Variants in ACOT2 observed in about 807,000 individuals in gnomAD.
ACOT2 encodes acyl-CoA thioesterase 2.
In ACOT2, 15 loss-of-function variants were observed where a neutral mutation model predicts 20.1. The ratio of observed to expected loss-of-function variants is 0.75; its 90% CI spans 0.50 to 1.15. ACOT2 has a LOEUF of 1.15. ACOT2 is among the 50% of genes most tolerant of loss of function. The pLI, the probability that ACOT2 is intolerant of heterozygous loss-of-function variation, is 0.00. For synonymous variants in ACOT2, 252 were observed against 268.4 expected (o/e 0.94, Z 0.60); for missense variants, 479 against 615.3 (o/e 0.78, Z 2.34).
chr14:73,573,314 T>G (rs950944026), intron 1 of ACOT2, 74 bp from the exon 2 acceptor site: 1 of 1,600,320 alleles, frequency 6.2e-7, no homozygotes, highest in Non-Finnish European at 8.6e-7. Flanking sequence ...GTGTGGTAAG[T>G]ATATGTTTAA....
rs752651470 is a variant in ACOT2, at chr14:73,569,344, A to C, written c.104A>C (p.Gln35Pro). The change falls in exon 1 of 3, where the codon CAA becomes CCA. Residue 35 changes from glutamine to proline, a missense_variant. Gln to Pro is a moderately conservative substitution (Grantham distance 76). Coordinates refer to ENST00000238651, the MANE Select transcript of ACOT2 (RefSeq NM_006821.6). ...GTCCTTCGAGCGTCCCGGCTGTACC[A>C]ATGGAGCCTGAAGAGTTCGGCGCAG... ...PAVLRASRLY[Q>P]WSLKSSAQFL... 1 of 1,613,954 alleles carries C rather than the reference A, an allele frequency of 6.2e-7. No individual in the cohort carries two copies. Among genetic ancestry groups the C allele is most frequent in the South Asian group, 1.1e-5 (1 of 91,070 alleles).
upstream of ACOT2, among the ~76,000 whole-genome samples, chr14:73,568,325 T>C (rs75098542): frequency 0.012 from 1,777 of 150,858 alleles, 36 homozygotes; most frequent in African/African-American, 0.041. Flanking sequence ...GTACAAGGGC[T>C]TGGCAGGGGC....
intron 2 of ACOT2, chr14:73,574,261 GTA>G (rs140325510): frequency 1.7e-4 from 22 of 126,788 alleles, no homozygotes; most frequent in African/African-American, 4.7e-4. Context: ...TTAAATTCCA[GTA>G]TTTTTTTTTT....
At chr14:73,569,918 C>G in intron 1 of ACOT2, 35 bp downstream of exon 1, 1 of 1,582,754 alleles carries the variant, frequency 6.3e-7, no homozygotes, top group Non-Finnish European at 8.6e-7. Context: ...CGTGTTCGTT[C>G]GCCTTTCACT....
At position 73,569,347 on chromosome 14, in the gene ACOT2, G is replaced by A; in HGVS notation, c.107G>A (p.Trp36Ter). 2.5e-6 allele frequency: 4 copies of A among 1,613,996 alleles called. No individual in the cohort carries two copies. The highest frequency in any genetic ancestry group is 3.4e-6 in the Non-Finnish European group (4 of 1,179,816). The part of the protein sequence containing the change: ...AVLRASRLYQ[W>*]SLKSSAQFLG... Reference sequence around the variant, plus strand: ...CTTCGAGCGTCCCGGCTGTACCAATGGAGCCTGAAGAGTTCGGCGCAGTTC... The same window carrying A: ...CTTCGAGCGTCCCGGCTGTACCAATAGAGCCTGAAGAGTTCGGCGCAGTTC... The change falls in exon 1 of 3, where the codon TGG becomes TAG. Residue 36 changes from tryptophan (W) to a stop codon, truncating the protein, a stop_gained. Transcript: ENST00000238651. LOFTEE classifies it high-confidence loss of function.
intron 1 of ACOT2, among the ~76,000 whole-genome samples, chr14:73,572,705 G>A (rs1379496722): frequency 6.9e-6 from 1 of 144,922 alleles, no homozygotes; most frequent in Non-Finnish European, 1.5e-5. Context: ...TGGAGTAGTG[G>A]CACAATCTTG....
intron 2 of ACOT2, 132 bp from the exon 3 acceptor site, chr14:73,574,776 G>A: frequency 6.7e-7 from 1 of 1,490,788 alleles, no homozygotes; most frequent in Admixed American, 1.9e-5. Flanking sequence ...AATTCTCAAA[G>A]TTGCAAATCT....
At position 73,575,491 on chromosome 14, in the gene ACOT2, G is replaced by A; in HGVS notation, c.1430G>A (p.Gly477Glu). The change falls in exon 3 of 3, where the codon GGG becomes GAG. Residue 477 changes from glycine (G) to glutamate (E), a missense_variant. Gly to Glu is a moderately conservative substitution (Grantham distance 98, BLOSUM62 -2). Coordinates refer to ENST00000238651, the MANE Select transcript of ACOT2 (RefSeq NM_006821.6). ...FFHKHLGGHE[G>E]TIPSKV The stretch of plus-strand genomic sequence containing the variant: ...CACAAACACTTGGGTGGCCACGAGG[G>A]GACAATCCCATCAAAAGTGTAAATT... The A allele has an allele frequency of 2.0e-6, 3 of 1,507,666 alleles. No homozygotes were observed. Among genetic ancestry groups the A allele is most frequent in the Non-Finnish European group, 2.6e-6 (3 of 1,132,108 alleles). The allele number at this position is 1,507,666 out of a possible 1,614,324, so 93.4% of individuals were successfully genotyped here. A position where few individuals can be genotyped will look rare whatever the true frequency, so the allele number is the denominator to read the frequency against.
At chr14:73,572,962 A>T (rs1415704581) in intron 1 of ACOT2, among the ~76,000 whole-genome samples, 1 of 151,592 alleles carries the variant, frequency 6.6e-6, no homozygotes, top group East Asian at 1.9e-4. Context: ...ATTACTATTT[A>T]ATTTTGTGTG....
At position 73,569,357 on chromosome 14, in the gene ACOT2, G is replaced by A; in HGVS notation, c.117G>A (p.Lys39=). Residue 39 remains lysine (K), a synonymous_variant, in exon 1 of 3, where the codon AAG becomes AAA. Coordinates refer to ENST00000238651, the MANE Select transcript of ACOT2 (RefSeq NM_006821.6). ...CCCGGCTGTACCAATGGAGCCTGAA[G>A]AGTTCGGCGCAGTTCCTGGGGTCTC... is the stretch of plus-strand genomic sequence containing the variant. ...RASRLYQWSL[K]SSAQFLGSPQ... is the part of the protein sequence containing the mutation. The A allele has an allele frequency of 6.2e-7, 1 of 1,614,002 alleles. No individual in the cohort carries two copies. The highest frequency in any genetic ancestry group is 8.5e-7 in the Non-Finnish European group (1 of 1,179,814).
intron 1 of ACOT2, among the ~76,000 whole-genome samples, chr14:73,570,882 G>T (rs1343037135): frequency 6.8e-6 from 1 of 146,676 alleles, no homozygotes; most frequent in East Asian, 2.0e-4. Context: ...TCCAGCCTGG[G>T]GGACAAGAGT....
At chr14:73,574,261 G>GTTT (rs1487088040) in intron 2 of ACOT2, 1 of 126,694 alleles carries the variant, frequency 7.9e-6, no homozygotes, top group African/African-American at 3.2e-5. Flanking sequence ...TTAAATTCCA[G>GTTT]TATTTTTTTT....
At chr14:73,572,444 T>C (rs1007986244) in intron 1 of ACOT2, among the ~76,000 whole-genome samples, 1 of 151,824 alleles carries the variant, frequency 6.6e-6, no homozygotes, top group African/African-American at 2.4e-5. Flanking sequence ...TTAGATACAA[T>C]TCAAAAACTA....
intron 1 of ACOT2, 150 bp downstream of exon 1, chr14:73,570,033 A>C: frequency 7.7e-7 from 1 of 1,299,390 alleles, no homozygotes; most frequent in Non-Finnish European, 1.0e-6. Flanking sequence ...GTCTCCAGCT[A>C]TCTTCCCGCC....
Position 73,575,650 on chromosome 14 carries a change from C to G in ACOT2, c.*137C>G. On this transcript the variant is annotated 3_prime_UTR_variant, in exon 3 of 3. Transcript: ENST00000238651. The stretch of plus-strand genomic sequence containing the variant: ...CCCCTCATTATTAAAATGAATTTAC[C>G]AGTAAGAATGAGTTTTTAAGATTTT... 1 of 1,471,922 alleles carries G rather than the reference C, an allele frequency of 6.8e-7. No homozygotes were observed. The highest frequency in any genetic ancestry group is 9.1e-7 in the Non-Finnish European group (1 of 1,094,062). 91.2% of individuals were successfully genotyped at this position (1,471,922 alleles called of 1,614,324 possible).
intron 1 of ACOT2, chr14:73,571,129 G>A (rs980080791): frequency 6.6e-6 from 1 of 152,052 alleles, no homozygotes; most frequent in African/African-American, 2.4e-5. Flanking sequence ...GCCCCCTGCA[G>A]GGCCTGTTCG....
Position 73,569,384 on chromosome 14 carries a change from A to C in ACOT2, c.144A>C (p.Pro48=), listed in dbSNP as rs1226940889. ...GTTCGGCGCAGTTCCTGGGGTCTCC[A>C]CAGCTGAGGCAGGTTGGTCAGATCA... The part of the protein sequence containing the change: ...LKSSAQFLGS[P]QLRQVGQIIR... Residue 48 remains proline (P), a synonymous_variant, in exon 1 of 3, where the codon CCA becomes CCC. Coordinates refer to ENST00000238651, the MANE Select transcript of ACOT2 (RefSeq NM_006821.6). 1 of 1,613,934 alleles carries C rather than the reference A, an allele frequency of 6.2e-7. No homozygotes were observed. The highest frequency in any genetic ancestry group is 8.5e-7 in the Non-Finnish European group (1 of 1,179,788).
chr14:73,569,762 C>T lies in ACOT2; in HGVS notation c.522C>T (p.His174=), dbSNP rs924613602. 6.2e-7 allele frequency: 1 copy of T among 1,607,908 alleles called. No individual in the cohort carries two copies. The highest frequency in any genetic ancestry group is 8.5e-7 in the Non-Finnish European group (1 of 1,178,086). Residue 174 remains histidine, a synonymous_variant, in exon 1 of 3, where the codon CAC becomes CAT. Coordinates refer to ENST00000238651, the MANE Select transcript of ACOT2 (RefSeq NM_006821.6). ...LAVELEVLDG[H]DPDPGRLLCQ... is the part of the protein sequence containing the mutation. ...TGGAGCTGGAGGTGCTGGATGGCCACGACCCCGACCCCGGGCGGCTGCTGT... is the reference window on the plus strand; with the variant it reads ...TGGAGCTGGAGGTGCTGGATGGCCATGACCCCGACCCCGGGCGGCTGCTGT...
chr14:73,569,486 A>G lies in ACOT2; in HGVS notation c.246A>G (p.Arg82=), dbSNP rs201652895. The G allele has an allele frequency of 1.2e-6, 2 of 1,612,534 alleles. No individual in the cohort carries two copies. Residue 82 remains arginine (R), a synonymous_variant, in exon 1 of 3, where the codon CGA becomes CGG. Transcript: ENST00000238651. ...GCTGCTGCTGGGACGAACCGGTGCG[A>G]ATCGCCGTGCGCGGCCTAGCCCCGG... The part of the protein sequence containing the change: ...AGRCCWDEPV[R]IAVRGLAPEQ...
Sources: allele counts gnomAD v4.1 joint callset (sites outside exome capture counted in the v4.1 genomes callset), GRCh38; gene constraint gnomAD v4.1.1; transcripts MANE v1.5; gene names NCBI Gene and HGNC (gene_info 2026-07-23, HGNC 2026-07-21).